Variants in INTS8 observed in about 807,000 individuals in gnomAD.
The protein encoded by INTS8 is protein kaonashi-1.
Under a neutral mutation model 138.9 loss-of-function variants are expected in INTS8, and 47 were observed. The ratio of observed to expected loss-of-function variants is 0.34; its 90% CI spans 0.27 to 0.43. The LOEUF (loss-of-function observed/expected upper bound fraction) is 0.43, where lower values mean the gene tolerates loss of function less well. Among genes scored for constraint, INTS8 ranks in the 20% least tolerant of loss-of-function variants. The probability of loss-of-function intolerance (pLI) is 1.00; values close to 1 mark genes in which losing one functional copy is unlikely to be tolerated. For synonymous variants in INTS8, 392 were observed against 400.9 expected, an observed-to-expected ratio of 0.98 and a Z score of 0.27; for missense variants, 996 against 1,173.0, an observed-to-expected ratio of 0.85 and a Z score of 2.20.
In INTS8 at chr8:94,825,047, C is replaced by T; in HGVS notation, c.285C>T (p.Asp95=). The change falls in exon 2 of 27, where the codon GAC becomes GAT. Residue 95 remains aspartate, a synonymous_variant. Coordinates refer to ENST00000523731, the MANE Select transcript of INTS8 (RefSeq NM_017864.4). ...AAGTTGCTGCACATTTGAAGTGGGA[C>T]TTAGACATATTAGAGAAAAGGTATC... ...ALKVAAHLKW[D]LDILEKSLSV... The T allele has an allele frequency of 6.2e-7, 1 of 1,606,792 alleles. No individual in the cohort carries two copies. Among genetic ancestry groups the T allele is most frequent in the Non-Finnish European group, 8.5e-7 (1 of 1,175,006 alleles).
At chr8:94,873,303 G>C (rs1470872231) in intron 21 of INTS8, 71 bp from the exon 22 acceptor site, 21 of 990,750 alleles carry the variant, frequency 2.1e-5, no homozygotes, top group Non-Finnish European at 3.3e-5. Flanking sequence ...AGTTACACCT[G>C]ACTCTTTACA....
At chr8:94,867,012 TA>T in intron 18 of INTS8, 127 bp from the exon 19 acceptor site, 1 of 747,738 alleles carries the variant, frequency 1.3e-6, no homozygotes, top group Non-Finnish European at 2.2e-6. Context: ...AAGCACATGC[TA>T]AAACAGATGC....
At chr8:94,848,201 C>T (rs756578058) in intron 10 of INTS8, among the ~76,000 whole-genome samples, 2 of 151,690 alleles carry the variant, frequency 1.3e-5, no homozygotes, top group Non-Finnish European at 2.9e-5. Context: ...TTAGTAGAGA[C>T]GAGGTTTCAC....
At chr8:94,859,436 C>G in intron 15 of INTS8, 75 bp from the exon 16 acceptor site, 2 of 1,436,386 alleles carry the variant, frequency 1.4e-6, no homozygotes, top group Non-Finnish European at 1.9e-6. Context: ...CAGTTGAAAT[C>G]TGAGCAAGTA....
intron 16 of INTS8, among the ~76,000 whole-genome samples, chr8:94,862,661 T>G (rs1816034633): frequency 6.6e-6 from 1 of 152,228 alleles, no homozygotes; most frequent in South Asian, 2.1e-4. Context: ...GAATTGTCAC[T>G]TAGATGTCTC....
intron 6 of INTS8, among the ~76,000 whole-genome samples, chr8:94,833,046 A>G (rs1220051770): frequency 6.6e-6 from 1 of 150,442 alleles, no homozygotes; most frequent in Non-Finnish European, 1.5e-5. Context: ...TTTTTTTAAT[A>G]TGTTCTGCGT....
At position 94,849,528 on chromosome 8, in the gene INTS8, C is replaced by G; in HGVS notation, c.1327C>G (p.Leu443Val). The G allele has an allele frequency of 3.3e-6, 5 of 1,535,584 alleles. No homozygotes were observed. Among genetic ancestry groups the G allele is most frequent in the Non-Finnish European group, 4.4e-6 (5 of 1,125,334 alleles). The change falls in exon 11 of 27, where the codon CTA (leucine) becomes GTA (valine). Residue 443 changes from leucine to valine, a missense_variant. Physicochemically the swap from Leu to Val is conservative, Grantham distance 32. Coordinates refer to ENST00000523731, the MANE Select transcript of INTS8 (RefSeq NM_017864.4). ...TTTGAAAGGAAACATGGCTGCTTTT[C>G]TAAAGTAAGTACCTTTCTTTTCTTT... Reference protein sequence around the residue: ...ESLKGNMAAFLKNVCLGLEDL... With the variant: ...ESLKGNMAAFVKNVCLGLEDL...
chr8:94,838,525 A>G lies in INTS8; in HGVS notation c.924A>G (p.Ala308=), dbSNP rs777283578. The stretch of plus-strand genomic sequence containing the variant: ...AGCGGTTAGCTGGCTATTGTCAAGC[A>G]TGTGATGTTCTTGTACCTTCTTCTG... ...DEKRLAGYCQ[A]CDVLVPSSDS... The change falls in exon 8 of 27, where the codon GCA becomes GCG. Residue 308 remains alanine (A), a synonymous_variant. Coordinates refer to ENST00000523731, the MANE Select transcript of INTS8 (RefSeq NM_017864.4). 2.5e-6 allele frequency: 4 copies of G among 1,613,084 alleles called. No individual in the cohort carries two copies. Among genetic ancestry groups the G allele is most frequent in the Middle Eastern group, 1.6e-4 (1 of 6,082 alleles).
chr8:94,856,774 T>C lies in INTS8; in HGVS notation c.1753-3T>C. 1 of 1,613,964 alleles carries C rather than the reference T, an allele frequency of 6.2e-7. No homozygotes were observed. Among genetic ancestry groups the C allele is most frequent in the Non-Finnish European group, 8.5e-7 (1 of 1,179,862 alleles). Reference sequence around the variant, plus strand: ...ACCCAGGCTATTCTTTTTCTTTTCATAGGACTTTTCCCATGCTAAACAGCT... The same window carrying C: ...ACCCAGGCTATTCTTTTTCTTTTCACAGGACTTTTCCCATGCTAAACAGCT... On this transcript the variant is annotated splice_region_variant and splice_polypyrimidine_tract_variant and intron_variant, in intron 14 of 26. Coordinates refer to ENST00000523731, the MANE Select transcript of INTS8 (RefSeq NM_017864.4).
intron 16 of INTS8, among the ~76,000 whole-genome samples, chr8:94,863,785 A>G (rs1174541590): frequency 6.6e-6 from 1 of 152,230 alleles, no homozygotes; most frequent in Non-Finnish European, 1.5e-5. Flanking sequence ...GCTAAGAGCT[A>G]CAGTAGCCCT....
At chr8:94,855,038 A>C (rs1305100327) in intron 14 of INTS8, among the ~76,000 whole-genome samples, 1 of 151,998 alleles carries the variant, frequency 6.6e-6, no homozygotes, top group Non-Finnish European at 1.5e-5. Context: ...GAGCCACTGC[A>C]CGTGGCTGGA....
rs369366545 is a variant in INTS8, at chr8:94,874,610, T to G, written c.2688+8T>G. 63 of 1,507,352 alleles carry G rather than the reference T, an allele frequency of 4.2e-5. No homozygotes were observed. The African/African-American group carries it at 8.4e-4, about 20-fold the overall frequency. 93.4% of individuals were successfully genotyped at this position (1,507,352 alleles called of 1,614,324 possible). On this transcript the variant is annotated splice_region_variant and intron_variant, in intron 23 of 26. Transcript: ENST00000523731. ...CTGAATTGCCACACACAGGTTAGTTTATAATATTATGAAGTTGTTTTATTT... is the reference window on the plus strand; with the variant it reads ...CTGAATTGCCACACACAGGTTAGTTGATAATATTATGAAGTTGTTTTATTT...
At chr8:94,861,279 T>TTTTA (rs1815966061) in intron 16 of INTS8, among the ~76,000 whole-genome samples, 1 of 126,794 alleles carries the variant, frequency 7.9e-6, no homozygotes, top group South Asian at 2.8e-4. Flanking sequence ...TTTTTTTTTT[T>TTTTA]GAGACGGAGT....
chr8:94,826,351 C>T (rs1408923869), intron 2 of INTS8, among the ~76,000 whole-genome samples: 6 of 151,328 alleles, frequency 4.0e-5, no homozygotes, highest in African/African-American at 1.2e-4. Flanking sequence ...GCGCGATATT[C>T]GCTCACTGCA....
At chr8:94,827,503 G>T in intron 3 of INTS8, 100 bp downstream of exon 3, 1 of 1,392,574 alleles carries the variant, frequency 7.2e-7, no homozygotes, top group Non-Finnish European at 1.0e-6. Flanking sequence ...CTGCTGCAGG[G>T]ATTTTTCAAA....
At chr8:94,827,924 G>A (rs1385175772) in intron 4 of INTS8, 131 bp downstream of exon 4, 2 of 782,858 alleles carry the variant, frequency 2.6e-6, no homozygotes, top group Non-Finnish European at 4.4e-6. Flanking sequence ...CTGTGTGAAG[G>A]TTTGTTTGAA....
intron 16 of INTS8, among the ~76,000 whole-genome samples, chr8:94,861,168 T>C (rs1815957040): frequency 6.6e-6 from 1 of 151,728 alleles, no homozygotes; most frequent in African/African-American, 2.4e-5. Context: ...TTCACGTATG[T>C]CCTTTTAAAA....
At chr8:94,855,663 A>G (rs1815718793) in intron 14 of INTS8, among the ~76,000 whole-genome samples, 1 of 152,240 alleles carries the variant, frequency 6.6e-6, no homozygotes, top group Admixed American at 6.5e-5. Context: ...TAAATTGTCC[A>G]AGGGCACACA....
chr8:94,834,362 GGTGTGTGTGTGTGT>G (rs35147334), intron 6 of INTS8, among the ~76,000 whole-genome samples: 85 of 144,568 alleles, frequency 5.9e-4, no homozygotes, highest in South Asian at 2.7e-3. Context: ...TATGTGCATG[GGTGTGTGTGTGTGT>G]GTGTGTGTGT....
Sources: gnomAD v4.1 joint callset for allele counts (sites outside exome capture counted in the v4.1 genomes callset) on GRCh38, gnomAD v4.1.1 for gene constraint, MANE v1.5 for transcripts, NCBI Gene and HGNC (gene_info 2026-07-23, HGNC 2026-07-21) for gene names.